SLCO3A1: variants seen among roughly 807,000 people sequenced by gnomAD.
SLCO3A1 encodes the protein solute carrier organic anion transporter family member 3A1.
Under a neutral mutation model 63.1 loss-of-function variants are expected in SLCO3A1, and 27 were observed. The ratio of observed to expected loss-of-function variants is 0.43; its 90% confidence interval spans 0.32 to 0.59. SLCO3A1 has a LOEUF of 0.59. Ranked by LOEUF, SLCO3A1 falls within the 20% of genes least tolerant of loss-of-function variation. SLCO3A1 has a pLI of 0.09. For missense variants in SLCO3A1, 773 were observed against 945.8 expected, an observed-to-expected ratio of 0.82 and a Z score of 2.40; for synonymous variants, 473 against 409.9, an observed-to-expected ratio of 1.15 and a Z score of -1.86.
intron 2 of SLCO3A1, among the ~76,000 whole-genome samples, chr15:91,951,964 T>C (rs1463013442): frequency 1.3e-5 from 2 of 152,204 alleles, no homozygotes; most frequent in Admixed American, 6.5e-5. Context: ...TTTGAGGAAC[T>C]GCTAAACTGT....
At chr15:92,152,844 T>C (rs1305371363) in intron 9 of SLCO3A1, among the ~76,000 whole-genome samples, 1 of 152,214 alleles carries the variant, frequency 6.6e-6, no homozygotes, top group Admixed American at 6.5e-5. Context: ...CCTCTGGGGC[T>C]GGCCAGGGAA....
rs1224342278 is a variant in SLCO3A1, at chr15:91,970,787, C to T, written c.646+54329C>T. Among the ~76,000 whole-genome samples the T allele has an allele frequency of 3.9e-5, 6 of 152,114 alleles. No individual in the cohort carries two copies. The South Asian group carries it at 1.0e-3, about 26-fold the overall frequency. On this transcript the variant is annotated intron_variant, in intron 2 of 9. Coordinates refer to ENST00000318445, the MANE Select transcript of SLCO3A1 (RefSeq NM_013272.4). ...AGTTTTCCTTCTGACAGGCGGCAGTCTTCTCAGGCTAGAAGAGTAGACAGA... is the reference window on the plus strand; with the variant it reads ...AGTTTTCCTTCTGACAGGCGGCAGTTTTCTCAGGCTAGAAGAGTAGACAGA...
chr15:92,045,503 C>T (rs1309349705), intron 2 of SLCO3A1, among the ~76,000 whole-genome samples: 1 of 152,114 alleles, frequency 6.6e-6, no homozygotes, highest in Non-Finnish European at 1.5e-5. Context: ...TCTGTAACCA[C>T]TATAATATGA....
At chr15:92,088,885 C>T (rs2047436987) in intron 2 of SLCO3A1, among the ~76,000 whole-genome samples, 1 of 152,206 alleles carries the variant, frequency 6.6e-6, no homozygotes, top group Non-Finnish European at 1.5e-5. Context: ...TCCTCTTGGT[C>T]GCTTAAGGTA....
intron 4 of SLCO3A1, among the ~76,000 whole-genome samples, chr15:92,114,636 CT>C (rs988870347): frequency 3.0e-4 from 45 of 152,264 alleles, no homozygotes; most frequent in African/African-American, 1.0e-3. Flanking sequence ...TCCTCTTTCC[CT>C]TTTTTTAAGT....
intron 4 of SLCO3A1, among the ~76,000 whole-genome samples, chr15:92,109,420 G>C (rs2047702902): frequency 6.6e-6 from 1 of 152,204 alleles, no homozygotes; most frequent in Non-Finnish European, 1.5e-5. Flanking sequence ...CCCCTAAAAA[G>C]ATGGGTCTTC....
chr15:92,061,775 T>A (rs2047088689), intron 2 of SLCO3A1, among the ~76,000 whole-genome samples: 1 of 151,950 alleles, frequency 6.6e-6, no homozygotes, highest in Admixed American at 6.6e-5. Flanking sequence ...CGGGTTGTCC[T>A]CCTAGGCAAC....
rs183511700 is a variant in SLCO3A1, at chr15:91,964,394, C to T, written c.646+47936C>T. On this transcript the variant is annotated intron_variant, in intron 2 of 9. Transcript: ENST00000318445. ...ATGGTAAATGTATTTGTTCGACTGA[C>T]AGCTACTGCAAGAAGCAAACCCTCA... Among the ~76,000 whole-genome samples, 13 of 151,930 alleles carry T rather than the reference C, an allele frequency of 8.6e-5. No individual in the cohort carries two copies. In the South Asian group the frequency reaches 2.5e-3, roughly 29 times the overall value.
chr15:92,016,585 C>T lies in SLCO3A1; in HGVS notation c.647-78296C>T, dbSNP rs142075921. Among the ~76,000 whole-genome samples the T allele has an allele frequency of 3.0e-3, 455 of 152,146 alleles. 3 individuals carry two copies. Among genetic ancestry groups the T allele is most frequent in the Admixed American group, 8.4e-3 (129 of 15,282 alleles). On this transcript the variant is annotated intron_variant, in intron 2 of 9. Transcript: ENST00000318445. ...TGCAGCACGGGACAAAGAGATGGGACGCAGAGAGACTAGTGTGAAAGACTA... is the reference window on the plus strand; with the variant it reads ...TGCAGCACGGGACAAAGAGATGGGATGCAGAGAGACTAGTGTGAAAGACTA...
intron 3 of SLCO3A1, among the ~76,000 whole-genome samples, chr15:92,102,005 G>A (rs1216470551): frequency 2.0e-5 from 3 of 152,146 alleles, no homozygotes; most frequent in African/African-American, 7.2e-5. Context: ...GAACAACAGA[G>A]TCACTAACTT....
intron 1 of SLCO3A1, among the ~76,000 whole-genome samples, chr15:91,910,133 T>C (rs1898438954): frequency 6.6e-6 from 1 of 152,062 alleles, no homozygotes; most frequent in Non-Finnish European, 1.5e-5. Context: ...TCCCCAGGGG[T>C]GGTCTAAACT....
At chr15:91,972,700 TGTCCTCCAG>T (rs1476969251) in intron 2 of SLCO3A1, among the ~76,000 whole-genome samples, 1 of 152,194 alleles carries the variant, frequency 6.6e-6, no homozygotes, top group Non-Finnish European at 1.5e-5. Context: ...GATGAGCCCT[TGTCCTCCAG>T]GTCAGGACAG....
intron 2 of SLCO3A1, among the ~76,000 whole-genome samples, chr15:92,084,317 A>G (rs1428260035): frequency 6.6e-6 from 1 of 152,202 alleles, no homozygotes; most frequent in African/African-American, 2.4e-5. Flanking sequence ...ATAACAGCTG[A>G]TGGTTTTTGA....
downstream of SLCO3A1, chr15:92,165,905 G>A: frequency 1.0e-6 from 1 of 985,248 alleles, no homozygotes; most frequent in Non-Finnish European, 1.2e-6. Context: ...GAAAGTGAAT[G>A]CTAGAGTTCT....
chr15:92,136,965 T>A (rs1037422704), intron 7 of SLCO3A1, among the ~76,000 whole-genome samples: 1 of 112,372 alleles, frequency 8.9e-6, no homozygotes, highest in Non-Finnish European at 1.9e-5. Flanking sequence ...CCAAGTAGTC[T>A]GTCTTTTTTT....
At chr15:92,120,022 T>C (rs1281772685) in intron 4 of SLCO3A1, among the ~76,000 whole-genome samples, 1 of 152,174 alleles carries the variant, frequency 6.6e-6, no homozygotes, top group Non-Finnish European at 1.5e-5. Flanking sequence ...GATCCATCAA[T>C]AGGTATATTG....
intron 2 of SLCO3A1, among the ~76,000 whole-genome samples, chr15:92,000,654 T>C (rs2046242891): frequency 6.6e-6 from 1 of 152,178 alleles, no homozygotes; most frequent in Non-Finnish European, 1.5e-5. Context: ...ATTTAATTAT[T>C]TTCTGTATTA....
At chr15:92,170,128 A>C (rs763338334), downstream of SLCO3A1, among the ~76,000 whole-genome samples, 9 of 152,210 alleles carry the variant, frequency 5.9e-5, no homozygotes, top group Non-Finnish European at 1.0e-4. Flanking sequence ...AACCTTATAG[A>C]AGATTCTCAC....
At chr15:92,087,788 G>A (rs1279607293) in intron 2 of SLCO3A1, among the ~76,000 whole-genome samples, 1 of 152,000 alleles carries the variant, frequency 6.6e-6, no homozygotes, top group Admixed American at 6.6e-5. Context: ...CAAAGTGCTG[G>A]GATTAGAGGT....
Sources: gnomAD v4.1 joint callset for allele counts (sites outside exome capture counted in the v4.1 genomes callset) on GRCh38, gnomAD v4.1.1 for gene constraint, MANE v1.5 for transcripts, NCBI Gene and HGNC (gene_info 2026-07-23, HGNC 2026-07-21) for gene names.